Variants in MAPKAP1 observed in about 807,000 individuals in gnomAD.
The protein encoded by MAPKAP1 is MAPK associated protein 1, also known as target of rapamycin complex 2 subunit MAPKAP1.
Under a neutral mutation model 65.7 loss-of-function variants are expected in MAPKAP1, and 20 were observed. The observed-to-expected ratio is 0.30, with a 90% CI of 0.21 to 0.44. The LOEUF is 0.44. Ranked by LOEUF, MAPKAP1 falls within the 20% of genes least tolerant of loss-of-function variation. MAPKAP1 has a pLI of 1.00. For synonymous variants in MAPKAP1, 222 were observed against 244.3 expected, an observed-to-expected ratio of 0.91 and a Z score of 0.85; for missense variants, 423 against 648.0, an observed-to-expected ratio of 0.65 and a Z score of 3.77.
chr9:125,616,136 G>T (rs1000972029), intron 4 of MAPKAP1, among the ~76,000 whole-genome samples: 2 of 151,874 alleles, frequency 1.3e-5, no homozygotes, highest in African/African-American at 4.8e-5. Flanking sequence ...GGGGAAAGGT[G>T]GGACTCAATA....
intron 8 of MAPKAP1, among the ~76,000 whole-genome samples, chr9:125,503,483 G>T (rs73591564): frequency 6.6e-6 from 1 of 152,148 alleles, no homozygotes; most frequent in Non-Finnish European, 1.5e-5. Flanking sequence ...ATGACTTTAG[G>T]ATGACCATTT....
intron 8 of MAPKAP1, among the ~76,000 whole-genome samples, chr9:125,493,070 G>A (rs559948471): frequency 1.3e-5 from 2 of 152,248 alleles, no homozygotes; most frequent in South Asian, 4.1e-4. Flanking sequence ...TGTGTGAAGC[G>A]GAATGGTGGA....
intron 6 of MAPKAP1, among the ~76,000 whole-genome samples, chr9:125,547,499 A>G (rs1830461631): frequency 6.6e-6 from 1 of 152,250 alleles, no homozygotes; most frequent in African/African-American, 2.4e-5. Flanking sequence ...CATGAAACAG[A>G]CAATGAATGC....
chr9:125,532,735 G>A (rs987762385), intron 7 of MAPKAP1, among the ~76,000 whole-genome samples: 3 of 152,296 alleles, frequency 2.0e-5, no homozygotes, highest in Middle Eastern at 3.4e-3. Flanking sequence ...GCTGCCAGGC[G>A]TGTCCTTAGA....
At chr9:125,528,831 G>A (rs564802803) in intron 7 of MAPKAP1, among the ~76,000 whole-genome samples, 1 of 106,852 alleles carries the variant, frequency 9.4e-6, no homozygotes, top group Non-Finnish European at 1.7e-5. Flanking sequence ...TGGGTGATAA[G>A]AGTGAGACTC....
At chr9:125,645,453 T>G (rs759035794) in intron 4 of MAPKAP1, among the ~76,000 whole-genome samples, 7 of 152,164 alleles carry the variant, frequency 4.6e-5, no homozygotes, top group Non-Finnish European at 7.4e-5. Context: ...AGATACCAAA[T>G]TGGCCAGGTA....
chr9:125,654,338 T>A (rs377581107), intron 4 of MAPKAP1, among the ~76,000 whole-genome samples: 1 of 152,144 alleles, frequency 6.6e-6, no homozygotes, highest in Admixed American at 6.5e-5. Flanking sequence ...GCTTAAGAAT[T>A]CAGGCAGATG....
chr9:125,512,158 A>C (rs1405774979), intron 7 of MAPKAP1, among the ~76,000 whole-genome samples: 1 of 152,250 alleles, frequency 6.6e-6, no homozygotes, highest in Non-Finnish European at 1.5e-5. Flanking sequence ...AAAAGGTTTT[A>C]GCATGCAATT....
chr9:125,595,423 T>C lies in MAPKAP1; in HGVS notation c.499-9696A>G, dbSNP rs1035082819. ...AACATGCTGATGAATTAAAACATTA[T>C]CTAGAGCAGCTTTTCTCAGCTGATC... On this transcript the variant is annotated intron_variant, in intron 4 of 11. Coordinates refer to ENST00000265960, the MANE Select transcript of MAPKAP1 (RefSeq NM_001006617.3). This position sits in a 1 kb window ranked among gnomAD's most constrained non-coding sequence, Gnocchi z 4.0. The C allele has an allele frequency of 7.6e-6, 4 of 529,202 alleles. No individual in the cohort carries two copies. The highest frequency in any genetic ancestry group is 9.9e-6 in the Non-Finnish European group (4 of 402,164). The allele number at this position is 529,202 out of a possible 1,614,324, so 32.8% of individuals were successfully genotyped here.
intron 4 of MAPKAP1, among the ~76,000 whole-genome samples, chr9:125,626,958 C>A (rs887780055): frequency 8.5e-5 from 13 of 152,256 alleles, no homozygotes; most frequent in Admixed American, 8.5e-4. Flanking sequence ...ATCATCATAT[C>A]CTTTTCACAG....
chr9:125,497,920 A>T (rs554084644), intron 8 of MAPKAP1, among the ~76,000 whole-genome samples: 1 of 152,230 alleles, frequency 6.6e-6, no homozygotes, highest in Non-Finnish European at 1.5e-5. Context: ...CTACCTCCAC[A>T]TGGTTGGTGG....
At chr9:125,520,566 C>T (rs1829590136) in intron 7 of MAPKAP1, among the ~76,000 whole-genome samples, 1 of 152,188 alleles carries the variant, frequency 6.6e-6, no homozygotes, top group Non-Finnish European at 1.5e-5. Context: ...GCTTAGATGC[C>T]TCTGTCTCTG....
chr9:125,688,030 A>G (rs1434749260), intron 1 of MAPKAP1, among the ~76,000 whole-genome samples: 1 of 152,242 alleles, frequency 6.6e-6, no homozygotes, highest in Non-Finnish European at 1.5e-5. Context: ...TTTCACTTGA[A>G]TAGAGCTTTC....
At chr9:125,458,851 C>A (rs1853316134) in intron 10 of MAPKAP1, among the ~76,000 whole-genome samples, 1 of 43,006 alleles carries the variant, frequency 2.3e-5, no homozygotes, top group African/African-American at 9.8e-5. Flanking sequence ...GGGGGCTGAC[C>A]CCCCCTACCT....
chr9:125,617,030 A>G (rs1832765836), intron 4 of MAPKAP1, among the ~76,000 whole-genome samples: 1 of 152,158 alleles, frequency 6.6e-6, no homozygotes, highest in Non-Finnish European at 1.5e-5. Flanking sequence ...TATGCATGTT[A>G]TGTGTTTCTA....
intron 4 of MAPKAP1, among the ~76,000 whole-genome samples, chr9:125,605,760 G>T (rs1204464652): frequency 1.3e-5 from 2 of 152,082 alleles, no homozygotes; most frequent in African/African-American, 2.4e-5. Flanking sequence ...TCACCCTAAA[G>T]GAAACAATGG....
chr9:125,438,148 C>T lies in MAPKAP1; in HGVS notation c.*739G>A, dbSNP rs1032464401. 42 of 389,492 alleles carry T rather than the reference C, an allele frequency of 1.1e-4. No individual in the cohort carries two copies. Among genetic ancestry groups the T allele is most frequent in the African/African-American group, 8.7e-4 (42 of 48,462 alleles). 24.1% of individuals were successfully genotyped at this position (389,492 alleles called of 1,614,324 possible). A position where few individuals can be genotyped will look rare whatever the true frequency, so the allele number is the denominator to read the frequency against. On this transcript the variant is annotated 3_prime_UTR_variant, in exon 12 of 12. Transcript: ENST00000265960. ...AGCGTGCCTGAGGACCAGCCACCGC[C>T]CCTCCTCCTGGCACCCCACACTGTC...
intron 8 of MAPKAP1, among the ~76,000 whole-genome samples, chr9:125,504,204 T>C (rs1829072994): frequency 6.6e-6 from 1 of 152,230 alleles, no homozygotes; most frequent in Non-Finnish European, 1.5e-5. Context: ...CCTGGCTTAT[T>C]TTATATGTGG....
At chr9:125,699,410 G>C (rs949845277) in intron 1 of MAPKAP1, among the ~76,000 whole-genome samples, 1 of 151,946 alleles carries the variant, frequency 6.6e-6, no homozygotes, top group East Asian at 1.9e-4. Context: ...AGGTCTTGCT[G>C]TGTTGCCCAG....
Sources: allele counts gnomAD v4.1 joint callset (sites outside exome capture counted in the v4.1 genomes callset), GRCh38; gene constraint gnomAD v4.1.1; non-coding constraint Gnocchi (gnomAD v3.1); transcripts MANE v1.5; gene names NCBI Gene and HGNC (gene_info 2026-07-23, HGNC 2026-07-21).